The following CLCN6 variants were observed in gnomAD, a reference collection of about 807,000 sequenced individuals.
The protein encoded by CLCN6 is Cl-/H+ antiporter 6, also known as H(+)/Cl(-) exchange transporter 6.
A neutral mutation model predicts 109.8 loss-of-function variants in CLCN6; 70 were observed. That is an observed-to-expected ratio of 0.64 (90% CI 0.53 to 0.78). The LOEUF (loss-of-function observed/expected upper bound fraction) is 0.78, where lower values mean the gene tolerates loss of function less well. Ranked by LOEUF, CLCN6 falls within the 30% of genes least tolerant of loss-of-function variation. The probability of loss-of-function intolerance (pLI) is 0.00; values close to 1 mark genes in which losing one functional copy is unlikely to be tolerated. For missense variants in CLCN6, 984 were observed against 1,142.3 expected, an observed-to-expected ratio of 0.86 and a Z score of 2.00; for synonymous variants, 444 against 447.8, an observed-to-expected ratio of 0.99 and a Z score of 0.11.
intron 2 of CLCN6, among the ~76,000 whole-genome samples, chr1:11,809,673 G>A (rs1644572496): frequency 6.6e-6 from 1 of 152,106 alleles, no homozygotes; most frequent in African/African-American, 2.4e-5. Context: ...GGTCAGGCTG[G>A]TCTTGAACTC....
intron 20 of CLCN6, 58 bp from the exon 21 acceptor site, chr1:11,838,277 G>A: frequency 6.7e-7 from 1 of 1,494,338 alleles, no homozygotes; most frequent in Non-Finnish European, 9.3e-7. Flanking sequence ...GGGGCTCTAA[G>A]GTGACCCTGC....
At chr1:11,823,967 G>A in intron 7 of CLCN6, 134 bp downstream of exon 7, 1 of 1,119,116 alleles carries the variant, frequency 8.9e-7, no homozygotes, top group Non-Finnish European at 1.3e-6. Context: ...TTTTGTTGAT[G>A]GGCTGTTTTT....
Position 11,838,460 on chromosome 1 carries a change from G to C in CLCN6, c.2403+18G>C. 2 of 1,613,258 alleles carry C rather than the reference G, an allele frequency of 1.2e-6. No individual in the cohort carries two copies. The highest frequency in any genetic ancestry group is 1.7e-6 in the Non-Finnish European group (2 of 1,179,324). On this transcript the variant is annotated intron_variant, in intron 21 of 22. Coordinates refer to ENST00000346436, the MANE Select transcript of CLCN6 (RefSeq NM_001286.5). The stretch of plus-strand genomic sequence containing the variant: ...TGATCGTGGTGAGAAGGGCTGCCCC[G>C]GCCTGTCCCATGCGGAGCTGCCTCT...
chr1:11,839,674 A>G (rs1644994969), intron 22 of CLCN6, among the ~76,000 whole-genome samples: 1 of 152,250 alleles, frequency 6.6e-6, no homozygotes, highest in Non-Finnish European at 1.5e-5. Flanking sequence ...AACTACACTG[A>G]CAGAGTCCTA....
chr1:11,817,920 G>A (rs1644693661), intron 4 of CLCN6, among the ~76,000 whole-genome samples: 1 of 152,088 alleles, frequency 6.6e-6, no homozygotes, highest in African/African-American at 2.4e-5. Flanking sequence ...ATATTCTGAT[G>A]GATACCATTT....
intron 13 of CLCN6, among the ~76,000 whole-genome samples, chr1:11,831,006 T>C (rs1453627992): frequency 6.7e-6 from 1 of 149,678 alleles, no homozygotes; most frequent in East Asian, 2.0e-4. Context: ...GCTAATTTTG[T>C]ATTTTTAGTA....
chr1:11,823,940 C>T (rs1466021910), intron 7 of CLCN6, 107 bp downstream of exon 7: 1 of 1,421,140 alleles, frequency 7.0e-7, no homozygotes, highest in Non-Finnish European at 9.6e-7. Flanking sequence ...CAGCCTCAAA[C>T]AGCTGATGTC....
intron 10 of CLCN6, among the ~76,000 whole-genome samples, chr1:11,827,430 CTTTTTTTTTTTTTTTT>C (rs59015951): frequency 9.5e-6 from 1 of 105,020 alleles, no homozygotes; most frequent in Non-Finnish European, 1.9e-5. Flanking sequence ...ACCGCTGTTA[CTTTTTTTTTTTTTTTT>C]TTTTTTTGAG....
At position 11,837,425 on chromosome 1, in the gene CLCN6, T is replaced by G; in HGVS notation, c.2221T>G (p.Phe741Val). 6.2e-7 allele frequency: 1 copy of G among 1,614,182 alleles called. No individual in the cohort carries two copies. Among genetic ancestry groups the G allele is most frequent in the South Asian group, 1.1e-5 (1 of 91,090 alleles). ...GGAGGAGCGGTTCCGCCCTCTGACCTTCCACGGCCTGATCCTTCGGTCGCA... is the reference window on the plus strand; with the variant it reads ...GGAGGAGCGGTTCCGCCCTCTGACCGTCCACGGCCTGATCCTTCGGTCGCA... ...TMEERFRPLT[F>V]HGLILRSQLV... is the part of the protein sequence containing the mutation. Residue 741 changes from phenylalanine (F) to valine (V), a missense_variant, in exon 20 of 23, where the codon TTC (phenylalanine) becomes GTC (valine). Phe to Val is a conservative substitution (Grantham distance 50). Coordinates refer to ENST00000346436, the MANE Select transcript of CLCN6 (RefSeq NM_001286.5).
At position 11,822,710 on chromosome 1, in the gene CLCN6, G is replaced by T. The variant is rs1419084186; in HGVS notation, c.362G>T (p.Ser121Ile). The T allele has an allele frequency of 6.2e-7, 1 of 1,613,280 alleles. No homozygotes were observed. The highest frequency in any genetic ancestry group is 8.5e-7 in the Non-Finnish European group (1 of 1,179,420). Residue 121 changes from serine to isoleucine, a missense_variant, in exon 6 of 23, where the codon AGC (serine) becomes ATC (isoleucine). By Grantham distance (142) the Ser-to-Ile change is moderately radical. Transcript: ENST00000346436. ...GTTTCCGCAGCGGTGGAGGAGTGCA[G>T]CCAGAAAGGCTGCCTCGCTCTGTCT... Reference protein sequence around the residue: ...GVVQTSVEECSQKGCLALSLL... With the variant: ...GVVQTSVEECIQKGCLALSLL...
chr1:11,836,297 G>C, intron 18 of CLCN6, 144 bp downstream of exon 18: 1 of 710,872 alleles, frequency 1.4e-6, no homozygotes, highest in African/African-American at 1.8e-5. Flanking sequence ...ATGCGACAGG[G>C]AGAGTAGATT....
rs1570546545 is a variant in CLCN6, at chr1:11,840,467, A to C, written c.*244A>C. The stretch of plus-strand genomic sequence containing the variant: ...CCCACTTCCTGCTCCCTGTGTTCCC[A>C]CCCTCCAGTGTTGGCACAGGCCCAC... On this transcript the variant is annotated 3_prime_UTR_variant, in exon 23 of 23. Transcript: ENST00000346436. The C allele has an allele frequency of 3.5e-6, 2 of 568,774 alleles. No homozygotes were observed. The highest frequency in any genetic ancestry group is 3.2e-6 in the Non-Finnish European group (1 of 315,212). The allele number at this position is 568,774 out of a possible 1,614,324, so 35.2% of individuals were successfully genotyped here.
chr1:11,828,989 A>G (rs752864039), intron 12 of CLCN6, among the ~76,000 whole-genome samples: 1 of 152,240 alleles, frequency 6.6e-6, no homozygotes, highest in Non-Finnish European at 1.5e-5. Context: ...TGGACGTAGC[A>G]GCCCACTTTA....
Position 11,834,426 on chromosome 1 carries a change from G to A in CLCN6, c.1686+31G>A, listed in dbSNP as rs1351962071. 1 of 1,613,076 alleles carries A rather than the reference G, an allele frequency of 6.2e-7. No homozygotes were observed. Among genetic ancestry groups the A allele is most frequent in the Non-Finnish European group, 8.5e-7 (1 of 1,179,212 alleles). On this transcript the variant is annotated intron_variant, in intron 16 of 22. Coordinates refer to ENST00000346436, the MANE Select transcript of CLCN6 (RefSeq NM_001286.5). This position sits in a 1 kb window ranked among gnomAD's most constrained non-coding sequence, Gnocchi z 4.5. ...CACACTCCCTCCAGGCCCCTGTCAG[G>A]CTCAGGGCCACGTCCGCCCCACAGG...
rs1356816264 is a variant in CLCN6 at position 11,828,436 on chromosome 1, T to C, written c.955-22T>C. 3.1e-6 allele frequency: 5 copies of C among 1,613,562 alleles called. No homozygotes were observed. The African/African-American group carries it at 6.7e-5, about 22-fold the overall frequency. The stretch of plus-strand genomic sequence containing the variant: ...ATGGCTGCTATGGTTTTTCTCTCCC[T>C]CTCCCTTTCCCCTTCTCTCAGTGCT... On this transcript the variant is annotated intron_variant, in intron 11 of 22. Coordinates refer to ENST00000346436, the MANE Select transcript of CLCN6 (RefSeq NM_001286.5).
At position 11,812,664 on chromosome 1, in the gene CLCN6, T is replaced by TTGTGTGTGTGTG. The variant is rs61487985; in HGVS notation, c.148-3146_148-3135dup. ...AAAAAAAAAAAAAGACAAAGTATGT[T>TTGTGTGTGTGTG]TGTGTGTGTGTGTGTGTGTGTGTGT... On this transcript the variant is annotated intron_variant, in intron 2 of 22. Coordinates refer to ENST00000346436, the MANE Select transcript of CLCN6 (RefSeq NM_001286.5). 8.6e-4 allele frequency among the ~76,000 whole-genome samples: 109 copies of TTGTGTGTGTGTG among 127,022 alleles called. 3 individuals carry two copies. Among genetic ancestry groups the TTGTGTGTGTGTG allele is most frequent in the Non-Finnish European group, 1.2e-3 (74 of 62,568 alleles). The allele number at this position is 127,022 out of a possible 152,430, so 83.3% of individuals were successfully genotyped here.
At position 11,837,139 on chromosome 1, in the gene CLCN6, G is replaced by A. The variant is rs1378642049; in HGVS notation, c.2121G>A (p.Gln707=). 22 of 1,612,650 alleles carry A rather than the reference G, an allele frequency of 1.4e-5. No individual in the cohort carries two copies. Among genetic ancestry groups the A allele is most frequent in the Non-Finnish European group, 1.9e-5 (22 of 1,179,940 alleles). The change falls in exon 19 of 23, where the codon CAG becomes CAA. Residue 707 remains glutamine (Q), a synonymous_variant. Coordinates refer to ENST00000346436, the MANE Select transcript of CLCN6 (RefSeq NM_001286.5). The part of the protein sequence containing the change: ...EEPAEKEDLL[Q]QMLERRYTPY... ...CAGCCGAGAAGGAGGACCTCCTGCAGCAGATGCTGGAAAGGAGGTGAGAGC... is the reference window on the plus strand; with the variant it reads ...CAGCCGAGAAGGAGGACCTCCTGCAACAGATGCTGGAAAGGAGGTGAGAGC...
At chr1:11,808,227 T>TTG (rs3073085) in intron 2 of CLCN6, among the ~76,000 whole-genome samples, 9,123 of 139,046 alleles carry the variant, frequency 0.066, 461 homozygotes, top group African/African-American at 0.14. Context: ...GTGTGTGTGT[T>TTG]TGTGTGTGTG....
intron 22 of CLCN6, among the ~76,000 whole-genome samples, chr1:11,839,557 C>T (rs1644993162): frequency 6.6e-6 from 1 of 152,230 alleles, no homozygotes; most frequent in African/African-American, 2.4e-5. Flanking sequence ...CCACTGCACC[C>T]GGCCTCAGTC....
Sources: allele counts gnomAD v4.1 joint callset (sites outside exome capture counted in the v4.1 genomes callset), GRCh38; gene constraint gnomAD v4.1.1; non-coding constraint Gnocchi (gnomAD v3.1); transcripts MANE v1.5; gene names NCBI Gene and HGNC (gene_info 2026-07-23, HGNC 2026-07-21).